The following SLCO4C1 variants were observed in gnomAD, a reference collection of about 807,000 sequenced individuals.
SLCO4C1 encodes solute carrier organic anion transporter family member 4C1.
Under a neutral mutation model 72.1 loss-of-function variants are expected in SLCO4C1, and 58 were observed. The ratio of observed to expected loss-of-function variants is 0.80; its 90% confidence interval spans 0.65 to 1.00. The LOEUF is 1.00. Among genes scored for constraint, SLCO4C1 ranks in the 50% least tolerant of loss-of-function variants. The pLI, the probability that SLCO4C1 is intolerant of heterozygous loss-of-function variation, is 0.00. For synonymous variants in SLCO4C1, 297 were observed against 312.5 expected (o/e 0.95, Z 0.52); for missense variants, 898 against 857.9 (o/e 1.05, Z -0.58).
At chr5:102,291,039 C>G (rs553876039) in intron 2 of SLCO4C1, among the ~76,000 whole-genome samples, 9 of 152,148 alleles carry the variant, frequency 5.9e-5, no homozygotes, top group Non-Finnish European at 1.3e-4. Context: ...CTAAAGATCT[C>G]AGAACTCCAA....
chr5:102,292,257 C>T (rs1749571044), intron 1 of SLCO4C1, among the ~76,000 whole-genome samples: 1 of 152,146 alleles, frequency 6.6e-6, no homozygotes, highest in Admixed American at 6.5e-5. Context: ...CTGGTAAAGT[C>T]CCGTGAAGCC....
At chr5:102,240,805 A>C (rs371694563) in intron 10 of SLCO4C1, 23 bp from the exon 11 acceptor site, 204 of 1,559,882 alleles carry the variant, frequency 1.3e-4, no homozygotes, top group South Asian at 4.6e-4. Context: ...AATATATATG[A>C]GACCAAAAAA....
chr5:102,246,724 T>C (rs1748642129), intron 10 of SLCO4C1, among the ~76,000 whole-genome samples: 1 of 152,036 alleles, frequency 6.6e-6, no homozygotes, highest in South Asian at 2.1e-4. Context: ...GACTGATGAC[T>C]CTATGGAAGG....
chr5:102,295,246 G>T (rs993701818), intron 1 of SLCO4C1, among the ~76,000 whole-genome samples: 1 of 152,152 alleles, frequency 6.6e-6, no homozygotes, highest in Non-Finnish European at 1.5e-5. Flanking sequence ...ACTCCCAAGA[G>T]AACCTAAAAG....
In SLCO4C1 at chr5:102,264,960, CT is replaced by C. The variant is rs966351346; in HGVS notation, c.803-1181del. On this transcript the variant is annotated intron_variant, in intron 3 of 12. Coordinates refer to ENST00000310954, the MANE Select transcript of SLCO4C1 (RefSeq NM_180991.5). ...CCATGTTACTATGAATGACAGGATT[CT>C]TTTTTTTTTATGGCTGAATAGTATC... Among the ~76,000 whole-genome samples the C allele has an allele frequency of 4.2e-4, 62 of 147,478 alleles. 1 individual carries two copies. The highest frequency in any genetic ancestry group is 8.9e-4 in the African/African-American group (36 of 40,350).
chr5:102,283,978 A>T (rs1387723743), intron 2 of SLCO4C1, among the ~76,000 whole-genome samples: 2 of 152,204 alleles, frequency 1.3e-5, no homozygotes, highest in Non-Finnish European at 2.9e-5. Flanking sequence ...ACTATTTCTG[A>T]ATATGCTTCT....
chr5:102,263,190 G>A (rs139645466), intron 4 of SLCO4C1, among the ~76,000 whole-genome samples: 1 of 152,158 alleles, frequency 6.6e-6, no homozygotes, highest in East Asian at 1.9e-4. Context: ...TATGGTGTCT[G>A]GTATATAGCA....
chr5:102,270,616 A>G lies in SLCO4C1; in HGVS notation c.802+8T>C. On this transcript the variant is annotated splice_region_variant and intron_variant, in intron 3 of 12. Transcript: ENST00000310954. ...GTGATACTGAGACAGTTTAGAGAGTAAACTTACCTATATAGAGAGAAGACT... is the reference window on the plus strand; with the variant it reads ...GTGATACTGAGACAGTTTAGAGAGTGAACTTACCTATATAGAGAGAAGACT... 1.3e-6 allele frequency: 2 copies of G among 1,596,462 alleles called. No individual in the cohort carries two copies. The highest frequency in any genetic ancestry group is 1.7e-6 in the Non-Finnish European group (2 of 1,172,356).
intron 8 of SLCO4C1, among the ~76,000 whole-genome samples, chr5:102,255,718 G>A (rs431778): frequency 0.75 from 114,332 of 151,996 alleles, 43,057 homozygotes; most frequent in Middle Eastern, 0.84. Context: ...CTATTATGCT[G>A]TGAAGCCCTT....
intron 2 of SLCO4C1, among the ~76,000 whole-genome samples, chr5:102,281,504 C>T (rs968983112): frequency 6.6e-6 from 1 of 152,038 alleles, no homozygotes. Flanking sequence ...GATGAAAAGA[C>T]ATGCTACAGA....
At position 102,236,814 on chromosome 5, in the gene SLCO4C1, G is replaced by A. The variant is rs201552336; in HGVS notation, c.*44C>T. On this transcript the variant is annotated 3_prime_UTR_variant, in exon 13 of 13. Coordinates refer to ENST00000310954, the MANE Select transcript of SLCO4C1 (RefSeq NM_180991.5). The stretch of plus-strand genomic sequence containing the variant: ...ATGGCAATGTGTGTTCTTAAAAATC[G>A]AGGTAAATTTTCCAGGTGTAAAACA... The A allele has an allele frequency of 2.7e-5, 43 of 1,578,622 alleles. No individual in the cohort carries two copies. In the Admixed American group the frequency reaches 5.7e-4, roughly 21 times the overall value.
At chr5:102,270,018 C>T (rs1749120050) in intron 3 of SLCO4C1, among the ~76,000 whole-genome samples, 1 of 152,026 alleles carries the variant, frequency 6.6e-6, no homozygotes, top group African/African-American at 2.4e-5. Context: ...ACTGAACATA[C>T]TGTCTTCCAA....
chr5:102,265,483 G>A (rs777690369), intron 3 of SLCO4C1, among the ~76,000 whole-genome samples: 2 of 152,018 alleles, frequency 1.3e-5, no homozygotes, highest in Non-Finnish European at 2.9e-5. Context: ...TCCATTTTGA[G>A]TTGATTTTTG....
intron 2 of SLCO4C1, 95 bp from the exon 3 acceptor site, chr5:102,270,901 T>C: frequency 1.1e-6 from 1 of 909,556 alleles, no homozygotes; most frequent in Non-Finnish European, 1.6e-6. Flanking sequence ...AATATAACCT[T>C]ATTTATTTCT....
intron 3 of SLCO4C1, 79 bp downstream of exon 3, chr5:102,270,545 G>A: frequency 2.4e-6 from 3 of 1,263,806 alleles, no homozygotes; most frequent in Non-Finnish European, 3.2e-6. Flanking sequence ...TTTTTAGTAA[G>A]CCTATGTTAT....
chr5:102,247,917 C>CTTTTT (rs55692838), intron 9 of SLCO4C1, among the ~76,000 whole-genome samples: 29 of 107,422 alleles, frequency 2.7e-4, no homozygotes, highest in African/African-American at 7.6e-4. Context: ...AGGCCAGAAA[C>CTTTTT]TTTTTTTTTT....
intron 2 of SLCO4C1, among the ~76,000 whole-genome samples, chr5:102,280,663 G>A (rs1190229439): frequency 6.6e-6 from 1 of 152,082 alleles, no homozygotes; most frequent in Non-Finnish European, 1.5e-5. Flanking sequence ...TACAATCACG[G>A]CTGAAGGGGA....
intron 7 of SLCO4C1, among the ~76,000 whole-genome samples, chr5:102,257,513 A>G (rs1748858877): frequency 6.6e-6 from 1 of 152,118 alleles, no homozygotes; most frequent in Non-Finnish European, 1.5e-5. Flanking sequence ...TAAGATTAAT[A>G]TATGTTCTCT....
chr5:102,291,488 CAACA>C lies in SLCO4C1; in HGVS notation c.470_473del (p.Leu157CysfsTer24), dbSNP rs1561383317. The stretch of plus-strand genomic sequence containing the variant: ...CACCAAAGAATGATACAAATAAAGA[CAACA>C]AACAGAATGAAATATCGTAGCTTGA... On this transcript the variant is annotated frameshift_variant, in exon 2 of 13. Transcript: ENST00000310954. LOFTEE classifies it high-confidence loss of function. 6.2e-7 allele frequency: 1 copy of C among 1,614,068 alleles called. No homozygotes were observed. The highest frequency in any genetic ancestry group is 1.7e-5 in the Admixed American group (1 of 60,020).
Sources: allele counts gnomAD v4.1 joint callset (sites outside exome capture counted in the v4.1 genomes callset), GRCh38; gene constraint gnomAD v4.1.1; transcripts MANE v1.5; gene names NCBI Gene and HGNC (gene_info 2026-07-23, HGNC 2026-07-21).